Variants in AKAP6 observed in about 807,000 individuals in gnomAD.
AKAP6 encodes A-kinase anchor protein 6.
Under a neutral mutation model 188.5 loss-of-function variants are expected in AKAP6, and 58 were observed. The observed-to-expected ratio is 0.31, with a 90% CI of 0.25 to 0.38. AKAP6 has a LOEUF of 0.38. AKAP6 is among the 10% of genes least tolerant of loss of function. The pLI, the probability that AKAP6 is intolerant of heterozygous loss-of-function variation, is 1.00. For missense variants in AKAP6, 2,710 were observed against 2,740.0 expected, an observed-to-expected ratio of 0.99 and a Z score of 0.24; for synonymous variants, 989 against 998.6, an observed-to-expected ratio of 0.99 and a Z score of 0.18.
At chr14:32,592,694 G>T (rs1281584857) in intron 5 of AKAP6, among the ~76,000 whole-genome samples, 2 of 152,064 alleles carry the variant, frequency 1.3e-5, no homozygotes, top group East Asian at 3.9e-4. Context: ...TTGTAGGAAG[G>T]TCATTTTGTA....
At chr14:32,792,339 C>T (rs997892233) in intron 12 of AKAP6, among the ~76,000 whole-genome samples, 1 of 152,156 alleles carries the variant, frequency 6.6e-6, no homozygotes, top group Non-Finnish European at 1.5e-5. Flanking sequence ...ACCTTCACGT[C>T]CCTTGTAAGT....
chr14:32,605,022 G>C (rs564596848), intron 7 of AKAP6, among the ~76,000 whole-genome samples: 1 of 152,122 alleles, frequency 6.6e-6, no homozygotes, highest in East Asian at 1.9e-4. Context: ...TCCCTCCCTG[G>C]ATCTATGTGT....
intron 9 of AKAP6, among the ~76,000 whole-genome samples, chr14:32,725,000 A>AAAAAAAAAAAAC (rs1566668767): frequency 1.3e-5 from 2 of 148,232 alleles, no homozygotes; most frequent in Non-Finnish European, 3.0e-5. Flanking sequence ...TAAAAAAAAA[A>AAAAAAAAAAAAC]AAAAAAAAAA....
chr14:32,405,083 A>T (rs1889243285), intron 1 of AKAP6, among the ~76,000 whole-genome samples: 1 of 151,860 alleles, frequency 6.6e-6, no homozygotes, highest in Non-Finnish European at 1.5e-5. Flanking sequence ...AAATGTCCTA[A>T]CCTCACTCTT....
At chr14:32,531,676 A>G (rs1882423020) in intron 2 of AKAP6, among the ~76,000 whole-genome samples, 1 of 152,174 alleles carries the variant, frequency 6.6e-6, no homozygotes, top group South Asian at 2.1e-4. Flanking sequence ...GTAGTCACTC[A>G]TCTATTGTCT....
intron 1 of AKAP6, among the ~76,000 whole-genome samples, chr14:32,432,391 T>C (rs775927155): frequency 6.6e-6 from 1 of 152,192 alleles, no homozygotes; most frequent in Non-Finnish European, 1.5e-5. Context: ...CATCTTAAAA[T>C]GCCACCTTAC....
chr14:32,518,730 GA>G (rs747236971), intron 2 of AKAP6, among the ~76,000 whole-genome samples: 14 of 152,224 alleles, frequency 9.2e-5, no homozygotes, highest in Non-Finnish European at 1.8e-4. Flanking sequence ...TGGTGTACCT[GA>G]AAGTGACGGG....
At chr14:32,526,016 A>C (rs1186308332) in intron 2 of AKAP6, among the ~76,000 whole-genome samples, 1 of 152,220 alleles carries the variant, frequency 6.6e-6, no homozygotes, top group Non-Finnish European at 1.5e-5. Flanking sequence ...TGTGATTATC[A>C]TAAAAAGTCA....
At chr14:32,404,691 G>GTTATATATATATATATATATATATATAT (rs1555325857) in intron 1 of AKAP6, among the ~76,000 whole-genome samples, 2 of 44,438 alleles carry the variant, frequency 4.5e-5, no homozygotes, top group African/African-American at 7.2e-5. Context: ...GGAGTCAGGA[G>GTTATATATATATATATATATATATATAT]ATATATATAT....
intron 2 of AKAP6, among the ~76,000 whole-genome samples, chr14:32,457,618 C>T (rs73261473): frequency 0.028 from 4,190 of 152,218 alleles, 198 homozygotes; most frequent in African/African-American, 0.094. Context: ...ATGATGACCA[C>T]GCTGGAAATT....
At chr14:32,621,908 A>G (rs1427022682) in intron 7 of AKAP6, among the ~76,000 whole-genome samples, 2 of 152,110 alleles carry the variant, frequency 1.3e-5, no homozygotes, top group Non-Finnish European at 2.9e-5. Flanking sequence ...TAATACTCTA[A>G]TTTTTAAACA....
intron 5 of AKAP6, among the ~76,000 whole-genome samples, chr14:32,589,336 C>A (rs571843185): frequency 2.0e-5 from 3 of 152,206 alleles, no homozygotes; most frequent in East Asian, 3.8e-4. Context: ...GGCAACATTA[C>A]TTCTCTTTGG....
intron 7 of AKAP6, among the ~76,000 whole-genome samples, chr14:32,639,939 T>C (rs940746086): frequency 1.3e-5 from 2 of 152,082 alleles, no homozygotes; most frequent in Non-Finnish European, 2.9e-5. Flanking sequence ...CTTGGGGCCT[T>C]GTAGTTCTTC....
chr14:32,677,877 G>A (rs1283429719), intron 7 of AKAP6, among the ~76,000 whole-genome samples: 5 of 152,298 alleles, frequency 3.3e-5, no homozygotes, highest in African/African-American at 4.8e-5. Flanking sequence ...TTAACACTAG[G>A]CTTTTTTATT....
intron 4 of AKAP6, among the ~76,000 whole-genome samples, chr14:32,569,594 G>T (rs1312241723): frequency 1.3e-5 from 2 of 152,076 alleles, no homozygotes; most frequent in Non-Finnish European, 2.9e-5. Flanking sequence ...TTTGAGTGTT[G>T]TTATGCAAAA....
chr14:32,474,401 G>A (rs1426194345), intron 2 of AKAP6: 1 of 150,162 alleles, frequency 6.7e-6, no homozygotes, highest in Admixed American at 6.6e-5. Flanking sequence ...CGTAGAATAA[G>A]TGAACCATAT....
At chr14:32,829,617 T>TTAA (rs34902169) in intron 13 of AKAP6, among the ~76,000 whole-genome samples, 1 of 147,406 alleles carries the variant, frequency 6.8e-6, no homozygotes. Context: ...CACGTCTTTT[T>TTAA]AAAAAAAAAA....
At chr14:32,732,640 A>AT (rs764144915) in intron 10 of AKAP6, 40 bp downstream of exon 10, 6 of 1,605,880 alleles carry the variant, frequency 3.7e-6, no homozygotes, top group African/African-American at 1.3e-5. Flanking sequence ...TTATGTGTAC[A>AT]TTTTTTGCGT....
chr14:32,829,816 AC>A (rs1328831702), intron 13 of AKAP6, 31 bp from the exon 14 acceptor site: 2 of 686,738 alleles, frequency 2.9e-6, no homozygotes, highest in Admixed American at 2.1e-5. Context: ...CATTTCTGAA[AC>A]CTTTTCTTGT....
Sources: allele counts gnomAD v4.1 joint callset (sites outside exome capture counted in the v4.1 genomes callset), GRCh38; gene constraint gnomAD v4.1.1; transcripts MANE v1.5; gene names NCBI Gene and HGNC (gene_info 2026-07-23, HGNC 2026-07-21).